FSTL5: variants seen among roughly 807,000 people sequenced by gnomAD.
The protein encoded by FSTL5 is follistatin-related protein 5.
Under a neutral mutation model 89.1 loss-of-function variants are expected in FSTL5, and 62 were observed. That is an observed-to-expected ratio of 0.70 (90% CI 0.57 to 0.86). FSTL5 has a LOEUF of 0.86. Ranked by LOEUF, FSTL5 falls within the 40% of genes least tolerant of loss-of-function variation. The pLI is 0.00. For synonymous variants in FSTL5, 383 were observed against 346.2 expected (o/e 1.11, Z -1.18); for missense variants, 1,057 against 1,001.6 (o/e 1.06, Z -0.75).
intron 4 of FSTL5, among the ~76,000 whole-genome samples, chr4:161,851,747 G>T (rs1289574605): frequency 8.1e-5 from 5 of 62,038 alleles, no homozygotes; most frequent in Admixed American, 1.9e-4. Context: ...ATTATTTAGA[G>T]AATTTTTTTT....
At chr4:161,505,248 T>G (rs890497924) in intron 11 of FSTL5, among the ~76,000 whole-genome samples, 1 of 152,200 alleles carries the variant, frequency 6.6e-6, no homozygotes, top group African/African-American at 2.4e-5. Context: ...GATCTTTGGT[T>G]CATGAATGTT....
intron 2 of FSTL5, among the ~76,000 whole-genome samples, chr4:162,045,985 TCTAA>T (rs1271519559): frequency 1.3e-5 from 2 of 152,240 alleles, no homozygotes; most frequent in Non-Finnish European, 2.9e-5. Flanking sequence ...TGAGACACAT[TCTAA>T]CTAACTCACT....
At chr4:161,740,615 T>G (rs1434619) in intron 6 of FSTL5, among the ~76,000 whole-genome samples, 2 of 151,594 alleles carry the variant, frequency 1.3e-5, no homozygotes, top group East Asian at 3.9e-4. Flanking sequence ...TCACATTATA[T>G]TGACACATGG....
chr4:161,488,817 T>C (rs972138826), intron 12 of FSTL5, among the ~76,000 whole-genome samples: 2 of 152,184 alleles, frequency 1.3e-5, no homozygotes, highest in East Asian at 3.9e-4. Context: ...TACCAAATGT[T>C]TTGGAAGGAA....
intron 3 of FSTL5, among the ~76,000 whole-genome samples, chr4:161,987,078 C>A (rs769529350): frequency 2.0e-5 from 3 of 152,122 alleles, no homozygotes. Flanking sequence ...AAGACAGTCA[C>A]GCATTCCCTG....
At chr4:161,710,994 T>C (rs1738757823) in intron 6 of FSTL5, among the ~76,000 whole-genome samples, 1 of 152,100 alleles carries the variant, frequency 6.6e-6, no homozygotes, top group Non-Finnish European at 1.5e-5. Flanking sequence ...TGCAGATGAA[T>C]GAAAACAAAA....
chr4:161,785,408 G>A (rs2126814612), intron 4 of FSTL5, among the ~76,000 whole-genome samples: 1 of 152,204 alleles, frequency 6.6e-6, no homozygotes, highest in East Asian at 1.9e-4. Flanking sequence ...AGAACCTTTG[G>A]TTGATAAGGT....
chr4:161,668,547 A>T (rs1736976593), intron 6 of FSTL5, among the ~76,000 whole-genome samples: 1 of 152,172 alleles, frequency 6.6e-6, no homozygotes, highest in Non-Finnish European at 1.5e-5. Flanking sequence ...CCAAAACCAG[A>T]CAATAGCATT....
chr4:161,502,479 G>A (rs72683738), intron 11 of FSTL5, among the ~76,000 whole-genome samples: 45,165 of 151,658 alleles, frequency 0.3, 7,681 homozygotes, highest in Non-Finnish European at 0.4. Context: ...TGTTTTCAAT[G>A]AGAATATAAA....
At chr4:161,710,466 G>A (rs1738741838) in intron 6 of FSTL5, among the ~76,000 whole-genome samples, 1 of 152,124 alleles carries the variant, frequency 6.6e-6, no homozygotes, top group Non-Finnish European at 1.5e-5. Flanking sequence ...GATTTTGCAT[G>A]TTCAAATGTT....
intron 3 of FSTL5, among the ~76,000 whole-genome samples, chr4:161,983,871 AATGTTGAATTTCT>A (rs1324352934): frequency 6.6e-6 from 1 of 152,234 alleles, no homozygotes; most frequent in Middle Eastern, 3.4e-3. Context: ...CTTGGTTTCC[AATGTTGAATTTCT>A]ATGTTGAATT....
rs549139997 is a variant in FSTL5, at chr4:162,103,806, C to T, written c.126+7465G>A. 2.5e-3 allele frequency among the ~76,000 whole-genome samples: 380 copies of T among 152,282 alleles called. 1 individual carries two copies. The highest frequency in any genetic ancestry group is 3.5e-3 in the Admixed American group (53 of 15,300). The stretch of plus-strand genomic sequence containing the variant: ...TTTAAACAAGGGTCTTGCAACTTAG[C>T]TCACACCCGACCAATCAGAGAGCTC... On this transcript the variant is annotated intron_variant, in intron 2 of 15. Transcript: ENST00000306100.
chr4:162,129,691 A>C (rs945238729), intron 1 of FSTL5, among the ~76,000 whole-genome samples: 1 of 152,258 alleles, frequency 6.6e-6, no homozygotes, highest in African/African-American at 2.4e-5. Flanking sequence ...AAATGAAAAA[A>C]TAATCCTCTC....
chr4:161,453,916 C>CT (rs1733260521), intron 15 of FSTL5, among the ~76,000 whole-genome samples: 1 of 152,132 alleles, frequency 6.6e-6, no homozygotes, highest in Non-Finnish European at 1.5e-5. Context: ...TATTTAATCA[C>CT]TTTTTTGCTG....
rs1031302036 is a variant in FSTL5, at chr4:162,125,974, T to C, written c.-16-14562A>G. On this transcript the variant is annotated intron_variant, in intron 1 of 15. Transcript: ENST00000306100. Reference sequence around the variant, plus strand: ...TCAGTATTATCTCCTTTTTTCTCTTTGTAGAGGCCTACAAAGTCTAAAATA... The same window carrying C: ...TCAGTATTATCTCCTTTTTTCTCTTCGTAGAGGCCTACAAAGTCTAAAATA... Among the ~76,000 whole-genome samples the C allele has an allele frequency of 1.1e-4, 16 of 152,180 alleles. 1 individual carries two copies. In the South Asian group the frequency reaches 2.7e-3, roughly 26 times the overall value.
chr4:161,788,448 T>C (rs1287372745), intron 4 of FSTL5, among the ~76,000 whole-genome samples: 1 of 152,230 alleles, frequency 6.6e-6, no homozygotes, highest in Non-Finnish European at 1.5e-5. Context: ...GTTGTTCCAC[T>C]ATTCTATTCT....
Position 161,656,449 on chromosome 4 carries a change from G to T in FSTL5, c.773C>A (p.Thr258Asn), listed in dbSNP as rs1298587676. 1.9e-6 allele frequency: 3 copies of T among 1,605,400 alleles called. No homozygotes were observed. The Admixed American group carries it at 5.1e-5, about 27-fold the overall frequency. ...SLPEDQKLSI[T>N]AATVGQSAVL... The stretch of plus-strand genomic sequence containing the variant: ...AGCACTTTGTCCCACAGTTGCTGCA[G>T]TGATGCTTAGTTTCTGATCTTCTGG... The change falls in exon 7 of 16, where the codon ACT (threonine) becomes AAT (asparagine). Residue 258 changes from threonine (T) to asparagine (N), a missense_variant. Physicochemically the swap from Thr to Asn is moderately conservative, Grantham distance 65. Around this residue, in one of 3 missense-constraint regions of FSTL5, gnomAD observed 980 missense variants for 903.2 expected, o/e 1.08. Transcript: ENST00000306100.
At chr4:161,700,932 A>G (rs1172636840) in intron 6 of FSTL5, among the ~76,000 whole-genome samples, 1 of 152,166 alleles carries the variant, frequency 6.6e-6, no homozygotes, top group Admixed American at 6.6e-5. Context: ...GGAGCTTCTC[A>G]TTTTTCTTCA....
At chr4:161,614,616 T>G (rs1468505571) in intron 7 of FSTL5, among the ~76,000 whole-genome samples, 3 of 152,188 alleles carry the variant, frequency 2.0e-5, no homozygotes, top group Non-Finnish European at 4.4e-5. Context: ...AATGCTTATG[T>G]TGCATGATAC....
Sources: allele counts gnomAD v4.1 joint callset (sites outside exome capture counted in the v4.1 genomes callset), GRCh38; gene constraint gnomAD v4.1.1; regional missense constraint gnomAD v4.1.1; transcripts MANE v1.5; gene names NCBI Gene and HGNC (gene_info 2026-07-23, HGNC 2026-07-21).